Variants in GNA12 observed in about 807,000 individuals in gnomAD.
The protein encoded by GNA12 is G protein subunit alpha 12.
Under a neutral mutation model 26.0 loss-of-function variants are expected in GNA12, and 9 were observed. That is an observed-to-expected ratio of 0.35 (90% CI 0.21 to 0.60). The LOEUF (loss-of-function observed/expected upper bound fraction) is 0.60, where lower values mean the gene tolerates loss of function less well. Among genes scored for constraint, GNA12 ranks in the 20% least tolerant of loss-of-function variants. GNA12 has a pLI of 0.78. For missense variants in GNA12, 405 were observed against 525.8 expected, an observed-to-expected ratio of 0.77 and a Z score of 2.25; for synonymous variants, 264 against 219.6, an observed-to-expected ratio of 1.20 and a Z score of -1.79.
At chr7:2,735,895 G>A (rs1790147699) in intron 2 of GNA12, among the ~76,000 whole-genome samples, 1 of 152,098 alleles carries the variant, frequency 6.6e-6, no homozygotes, top group African/African-American at 2.4e-5. Context: ...GGCTGGAGGG[G>A]AGGGAAGAAG....
At chr7:2,798,216 C>T (rs554683606) in intron 1 of GNA12, among the ~76,000 whole-genome samples, 1 of 152,140 alleles carries the variant, frequency 6.6e-6, no homozygotes, top group Admixed American at 6.5e-5. Flanking sequence ...ATAGATTAGA[C>T]ACACAAAAAA....
chr7:2,756,160 T>C (rs1052682845), intron 2 of GNA12, among the ~76,000 whole-genome samples: 1 of 152,168 alleles, frequency 6.6e-6, no homozygotes, highest in African/African-American at 2.4e-5. Context: ...ATATGGCCAA[T>C]TGATTTATAA....
intron 1 of GNA12, among the ~76,000 whole-genome samples, chr7:2,802,667 T>C (rs903505133): frequency 1.3e-5 from 2 of 152,188 alleles, no homozygotes; most frequent in Non-Finnish European, 2.9e-5. Context: ...CAACAGCATG[T>C]GGACTTGGAA....
chr7:2,836,282 T>C (rs895385354), intron 1 of GNA12, among the ~76,000 whole-genome samples: 1 of 152,200 alleles, frequency 6.6e-6, no homozygotes, highest in African/African-American at 2.4e-5. Flanking sequence ...ACCAGGATGA[T>C]GGAGACTTCC....
At chr7:2,759,589 A>G (rs946648496) in intron 2 of GNA12, among the ~76,000 whole-genome samples, 1 of 152,196 alleles carries the variant, frequency 6.6e-6, no homozygotes, top group African/African-American at 2.4e-5. Flanking sequence ...AGTGGCTCAC[A>G]TGGGGTTTAT....
At chr7:2,831,604 C>T (rs192856741) in intron 1 of GNA12, among the ~76,000 whole-genome samples, 1,582 of 151,986 alleles carry the variant, frequency 0.01, 17 homozygotes, top group Non-Finnish European at 0.016. Flanking sequence ...GGGGTTTCAC[C>T]GTGTTAGCCA....
At chr7:2,793,521 A>C (rs779115669) in intron 2 of GNA12, among the ~76,000 whole-genome samples, 1 of 152,174 alleles carries the variant, frequency 6.6e-6, no homozygotes, top group Non-Finnish European at 1.5e-5. Flanking sequence ...GACTATTAGC[A>C]GACTATATAG....
Position 2,839,039 on chromosome 7 carries a change from G to A in GNA12, c.309+4814C>T, listed in dbSNP as rs185504647. Reference sequence around the variant, plus strand: ...AGATCTGACACATGTAGAACATTCCGCCAAACGAGCATACGCGTTTATCAT... The same window carrying A: ...AGATCTGACACATGTAGAACATTCCACCAAACGAGCATACGCGTTTATCAT... On this transcript the variant is annotated intron_variant, in intron 1 of 3. Transcript: ENST00000275364. Among the ~76,000 whole-genome samples, 6 of 152,226 alleles carry A rather than the reference G, an allele frequency of 3.9e-5. No homozygotes were observed. The East Asian group carries it at 9.6e-4, about 24-fold the overall frequency.
intron 2 of GNA12, chr7:2,763,293 G>A (rs1286744145): frequency 9.9e-6 from 2 of 201,454 alleles, no homozygotes; most frequent in Non-Finnish European, 1.8e-5. Flanking sequence ...AGTGCTGTGA[G>A]GCTGAGACAC....
At chr7:2,732,525 G>A (rs539406142) in intron 3 of GNA12, among the ~76,000 whole-genome samples, 8 of 152,268 alleles carry the variant, frequency 5.3e-5, no homozygotes, top group Admixed American at 2.6e-4. Context: ...CAGCCTGGGT[G>A]ACAGAGTGAG....
intron 1 of GNA12, among the ~76,000 whole-genome samples, chr7:2,825,557 T>C (rs912882870): frequency 4.6e-5 from 7 of 152,204 alleles, no homozygotes; most frequent in Non-Finnish European, 1.0e-4. Flanking sequence ...GGGAGCTATC[T>C]CAGAGAGGAG....
chr7:2,738,283 TAAA>T (rs34320599), intron 2 of GNA12, among the ~76,000 whole-genome samples: 4 of 142,848 alleles, frequency 2.8e-5, no homozygotes, highest in Admixed American at 6.9e-5. Flanking sequence ...AGGCTCCATC[TAAA>T]AAAAAAAAAA....
At chr7:2,783,698 ATTTT>A (rs769632455) in intron 2 of GNA12, among the ~76,000 whole-genome samples, 1,970 of 132,156 alleles carry the variant, frequency 0.015, 43 homozygotes, top group Middle Eastern at 0.02. Context: ...TTATTTATTT[ATTTT>A]GAGATGTAGT....
intron 2 of GNA12, among the ~76,000 whole-genome samples, chr7:2,769,594 G>A (rs577348169): frequency 1.3e-5 from 2 of 152,042 alleles, no homozygotes; most frequent in Non-Finnish European, 2.9e-5. Context: ...TTAGCCGGGC[G>A]TGGTGGCAGG....
chr7:2,789,800 T>C (rs551615411), intron 2 of GNA12, among the ~76,000 whole-genome samples: 29 of 152,176 alleles, frequency 1.9e-4, no homozygotes, highest in Non-Finnish European at 3.5e-4. Context: ...TGAGGCCTCA[T>C]TCTGCTGCCA....
In GNA12 at chr7:2,824,772, C is replaced by G. The variant is rs552821425; in HGVS notation, c.309+19081G>C. Among the ~76,000 whole-genome samples the G allele has an allele frequency of 1.3e-3, 194 of 152,288 alleles. 3 individuals are homozygous for G. Among genetic ancestry groups the G allele is most frequent in the South Asian group, 0.012 (57 of 4,824 alleles). ...ATTCCAGGATTTTAACAATGCAAAT[C>G]AAACCGCAATAAAAAAATCCCTGCT... On this transcript the variant is annotated intron_variant, in intron 1 of 3. Coordinates refer to ENST00000275364, the MANE Select transcript of GNA12 (RefSeq NM_007353.3).
intron 2 of GNA12, among the ~76,000 whole-genome samples, chr7:2,771,213 C>G (rs1791940346): frequency 6.6e-6 from 1 of 152,134 alleles, no homozygotes; most frequent in South Asian, 2.1e-4. Context: ...ATCGCTTGAA[C>G]CTGGGAGGTG....
intron 2 of GNA12, among the ~76,000 whole-genome samples, chr7:2,739,831 C>A (rs553276857): frequency 6.6e-6 from 1 of 152,194 alleles, no homozygotes; most frequent in Admixed American, 6.5e-5. Flanking sequence ...GCCACCAAAC[C>A]TGGCTAATTT....
At chr7:2,732,719 A>G (rs1361208471) in intron 3 of GNA12, among the ~76,000 whole-genome samples, 2 of 152,234 alleles carry the variant, frequency 1.3e-5, no homozygotes, top group Admixed American at 1.3e-4. Flanking sequence ...AACATCTTCA[A>G]TAACACTGCA....
Sources: allele counts gnomAD v4.1 joint callset (sites outside exome capture counted in the v4.1 genomes callset), GRCh38; gene constraint gnomAD v4.1.1; transcripts MANE v1.5; gene names NCBI Gene and HGNC (gene_info 2026-07-23, HGNC 2026-07-21).